The following SCFD2 variants were observed in gnomAD, a reference collection of about 807,000 sequenced individuals.
SCFD2 encodes the protein sec1 family domain-containing protein 2.
SCFD2 carries 54 observed loss-of-function variants against 58.9 expected under a neutral mutation model. The observed-to-expected ratio is 0.92, with a 90% CI of 0.74 to 1.15. The LOEUF (loss-of-function observed/expected upper bound fraction) is 1.15. Ranked by LOEUF, SCFD2 falls within the 50% of genes most tolerant of loss-of-function variation. The pLI is 0.00. For synonymous variants in SCFD2, 321 were observed against 335.9 expected (o/e 0.96, Z 0.49); for missense variants, 805 against 836.6 (o/e 0.96, Z 0.47).
At chr4:53,290,764 G>A (rs2149085956) in intron 3 of SCFD2, among the ~76,000 whole-genome samples, 1 of 152,010 alleles carries the variant, frequency 6.6e-6, no homozygotes, top group East Asian at 1.9e-4. Flanking sequence ...AATGAAAGTA[G>A]AGACATTACT....
intron 5 of SCFD2, among the ~76,000 whole-genome samples, chr4:53,050,000 T>C (rs4864717): frequency 0.8 from 122,185 of 152,136 alleles, 50,495 homozygotes; most frequent in Non-Finnish European, 0.9. Flanking sequence ...AGGCTATAGA[T>C]GTTAAACAGG....
intron 5 of SCFD2, chr4:52,957,670 G>A (rs1720742477): frequency 6.6e-6 from 1 of 152,178 alleles, no homozygotes; most frequent in South Asian, 2.1e-4. Flanking sequence ...AGAGAGGGAG[G>A]TTACTCGTGG....
chr4:52,896,951 GCT>G, intron 7 of SCFD2, among the ~76,000 whole-genome samples: 1 of 152,046 alleles, frequency 6.6e-6, no homozygotes, highest in Non-Finnish European at 1.5e-5. Flanking sequence ...TCATGATTTG[GCT>G]CTCTGTCTGT....
chr4:53,024,180 A>C (rs1577667004), intron 5 of SCFD2, among the ~76,000 whole-genome samples: 1 of 152,276 alleles, frequency 6.6e-6, no homozygotes, highest in African/African-American at 2.4e-5. Context: ...TCACAAGAAA[A>C]CCTGAAGACT....
At chr4:52,944,405 G>A (rs1256909947) in intron 5 of SCFD2, among the ~76,000 whole-genome samples, 1 of 152,086 alleles carries the variant, frequency 6.6e-6, no homozygotes, top group East Asian at 1.9e-4. Flanking sequence ...AAATATCTGG[G>A]ACTTAAGAGA....
At chr4:53,011,149 C>T (rs1406011417) in intron 5 of SCFD2, among the ~76,000 whole-genome samples, 1 of 152,138 alleles carries the variant, frequency 6.6e-6, no homozygotes, top group Admixed American at 6.6e-5. Context: ...ACAATTGTTA[C>T]TATTCTGTAT....
intron 1 of SCFD2, among the ~76,000 whole-genome samples, chr4:53,364,244 C>T (rs1203896744): frequency 6.6e-6 from 1 of 152,112 alleles, no homozygotes; most frequent in Non-Finnish European, 1.5e-5. Flanking sequence ...CTCAAATATA[C>T]CTATTTCGTT....
chr4:53,308,664 G>GT (rs905942055), intron 3 of SCFD2, among the ~76,000 whole-genome samples: 15 of 152,154 alleles, frequency 9.9e-5, no homozygotes, highest in African/African-American at 3.6e-4. Flanking sequence ...AAAACAGGAA[G>GT]TAGAACACTC....
At chr4:53,246,628 A>C (rs1730083974) in intron 4 of SCFD2, among the ~76,000 whole-genome samples, 1 of 152,240 alleles carries the variant, frequency 6.6e-6, no homozygotes, top group African/African-American at 2.4e-5. Context: ...TGGTGCTGGA[A>C]TAACTGGCTA....
chr4:53,234,279 C>T (rs1729528510), intron 4 of SCFD2, among the ~76,000 whole-genome samples: 1 of 152,174 alleles, frequency 6.6e-6, no homozygotes, highest in South Asian at 2.1e-4. Flanking sequence ...TTGGAAAAGG[C>T]TTTTCAGCTT....
chr4:52,920,937 C>T (rs1719720927), intron 5 of SCFD2, 67 bp from the exon 6 acceptor site: 2 of 1,010,988 alleles, frequency 2.0e-6, no homozygotes, highest in Non-Finnish European at 2.9e-6. Context: ...ACAGCTTGAG[C>T]TCGATGTAAT....
intron 4 of SCFD2, among the ~76,000 whole-genome samples, chr4:53,147,740 C>A (rs1353724939): frequency 6.6e-6 from 1 of 152,162 alleles, no homozygotes; most frequent in African/African-American, 2.4e-5. Flanking sequence ...CTGTCTTGAG[C>A]CACACATAAA....
chr4:53,094,710 T>G (rs1724568023), intron 5 of SCFD2, among the ~76,000 whole-genome samples: 1 of 151,926 alleles, frequency 6.6e-6, no homozygotes, highest in Non-Finnish European at 1.5e-5. Flanking sequence ...TTTATTTCTT[T>G]TATCTTAAAA....
At chr4:53,199,774 C>A (rs1242116778) in intron 4 of SCFD2, among the ~76,000 whole-genome samples, 2 of 152,076 alleles carry the variant, frequency 1.3e-5, no homozygotes, top group Admixed American at 6.6e-5. Flanking sequence ...ATAAGTAGCA[C>A]TGGGTAGCTT....
At chr4:53,170,078 G>C (rs1443193743) in intron 4 of SCFD2, among the ~76,000 whole-genome samples, 1 of 151,892 alleles carries the variant, frequency 6.6e-6, no homozygotes, top group Non-Finnish European at 1.5e-5. Context: ...GAGTTTTTGG[G>C]GTCAAATACA....
At chr4:52,964,337 A>T (rs1405011511) in intron 5 of SCFD2, among the ~76,000 whole-genome samples, 1 of 152,232 alleles carries the variant, frequency 6.6e-6, no homozygotes, top group East Asian at 1.9e-4. Context: ...ACATGCATAT[A>T]TCACAGGTTG....
intron 5 of SCFD2, among the ~76,000 whole-genome samples, chr4:52,940,291 GT>G (rs1486789578): frequency 6.6e-6 from 1 of 152,168 alleles, no homozygotes; most frequent in Non-Finnish European, 1.5e-5. Context: ...GCTGGGGCTT[GT>G]TCCGACTACA....
intron 4 of SCFD2, among the ~76,000 whole-genome samples, chr4:53,241,051 T>C (rs1729877138): frequency 6.6e-6 from 1 of 152,176 alleles, no homozygotes; most frequent in Non-Finnish European, 1.5e-5. Context: ...TGCTGTACAG[T>C]GCTACCAGCA....
chr4:53,278,610 C>T (rs984064925), intron 3 of SCFD2, among the ~76,000 whole-genome samples: 6 of 151,568 alleles, frequency 4.0e-5, no homozygotes, highest in East Asian at 3.9e-4. Flanking sequence ...ATTTATGTAA[C>T]GTCACCTTCT....
Sources: gnomAD v4.1 joint callset for allele counts (sites outside exome capture counted in the v4.1 genomes callset) on GRCh38, gnomAD v4.1.1 for gene constraint, MANE v1.5 for transcripts, NCBI Gene and HGNC (gene_info 2026-07-23, HGNC 2026-07-21) for gene names.